EPB41L3: variants seen among roughly 807,000 people sequenced by gnomAD.
EPB41L3 encodes band 4.1-like protein 3.
Under a neutral mutation model 127.1 loss-of-function variants are expected in EPB41L3, and 57 were observed. The observed-to-expected ratio is 0.45, with a 90% CI of 0.36 to 0.56. The LOEUF is 0.56. Among genes scored for constraint, EPB41L3 ranks in the 20% least tolerant of loss-of-function variants. EPB41L3 has a pLI of 0.00. For synonymous variants in EPB41L3, 572 were observed against 549.5 expected (o/e 1.04, Z -0.57); for missense variants, 1,273 against 1,372.2 (o/e 0.93, Z 1.14).
At chr18:5,401,034 C>G (rs2143197815) in intron 16 of EPB41L3, 1 of 1,533,898 alleles carries the variant, frequency 6.5e-7, no homozygotes, top group Middle Eastern at 1.7e-4. Flanking sequence ...ATCTCTGTTT[C>G]TTCTTTGGTC....
In EPB41L3 at chr18:5,432,094, G is replaced by A. The variant is rs149475259; in HGVS notation, c.912+1375C>T. ...CTGCATGACGTGCAGAGTGATCCGC[G>A]GCAAAACCAATCAAACCTGCACAGA... On this transcript the variant is annotated intron_variant, in intron 8 of 22. Coordinates refer to ENST00000341928, the MANE Select transcript of EPB41L3 (RefSeq NM_012307.5). Among the ~76,000 whole-genome samples, 13 of 152,194 alleles carry A rather than the reference G, an allele frequency of 8.5e-5. No homozygotes were observed. In the East Asian group the frequency reaches 9.7e-4, roughly 11 times the overall value.
At chr18:5,404,075 T>C (rs2074964845) in intron 16 of EPB41L3, among the ~76,000 whole-genome samples, 1 of 152,162 alleles carries the variant, frequency 6.6e-6, no homozygotes, top group Non-Finnish European at 1.5e-5. Context: ...AGTATAAACT[T>C]GATGTCATCG....
chr18:5,421,437 C>T (rs773052299), intron 11 of EPB41L3, among the ~76,000 whole-genome samples: 1 of 152,078 alleles, frequency 6.6e-6, no homozygotes, highest in African/African-American at 2.4e-5. Flanking sequence ...ATGTTAACAT[C>T]GATATTTCAA....
At chr18:5,540,626 G>C (rs765318568) in intron 1 of EPB41L3, 2 of 840,724 alleles carry the variant, frequency 2.4e-6, no homozygotes, top group Non-Finnish European at 2.9e-6. Context: ...CCGTTTGAAA[G>C]AAATAGATGC....
chr18:5,453,047 C>T (rs1857632017), intron 3 of EPB41L3, among the ~76,000 whole-genome samples: 1 of 152,194 alleles, frequency 6.6e-6, no homozygotes, highest in Admixed American at 6.5e-5. Flanking sequence ...CCAAAATGGG[C>T]ATTGCCTCCA....
At chr18:5,630,632 G>A (rs780460876), upstream of EPB41L3, 1 of 438,154 alleles carries the variant, frequency 2.3e-6, no homozygotes. Context: ...GCACCTCCAA[G>A]TTGCCACCTG....
At chr18:5,580,486 G>A (rs1019719955) in intron 3 of EPB41L3, among the ~76,000 whole-genome samples, 3 of 151,922 alleles carry the variant, frequency 2.0e-5, no homozygotes, top group Admixed American at 2.0e-4. Flanking sequence ...AGACTCATAT[G>A]CACATATAGG....
At chr18:5,601,444 C>T (rs2094590286) in intron 3 of EPB41L3, among the ~76,000 whole-genome samples, 1 of 152,172 alleles carries the variant, frequency 6.6e-6, no homozygotes, top group Non-Finnish European at 1.5e-5. Flanking sequence ...TTGCCCCATG[C>T]TTCTGCTGAC....
chr18:5,526,498 G>A (rs1374726689), intron 1 of EPB41L3, among the ~76,000 whole-genome samples: 2 of 152,124 alleles, frequency 1.3e-5, no homozygotes, highest in African/African-American at 2.4e-5. Context: ...GACTGTAACT[G>A]AATATAAATT....
At chr18:5,430,749 G>T (rs1384231961) in intron 8 of EPB41L3, among the ~76,000 whole-genome samples, 2 of 150,444 alleles carry the variant, frequency 1.3e-5, no homozygotes, top group African/African-American at 4.9e-5. Context: ...TTTTGGTAGA[G>T]ATCGGGTTCT....
In EPB41L3 at chr18:5,397,231, T is replaced by C; in HGVS notation, c.2668A>G (p.Lys890Glu). ...AAAQPAFTGI[K>E]GKEGSALTEG... is the part of the protein sequence containing the mutation. ...GTCAAGGCAGAGCCCTCTTTCCCTT[T>C]AATGCCTGTGAATGCGGGCTGTGCT... The change falls in exon 18 of 23, where the codon AAA (lysine) becomes GAA (glutamate). Residue 890 changes from lysine to glutamate, a missense_variant. Transcript: ENST00000341928. This position sits in a 1 kb window ranked among gnomAD's most constrained non-coding sequence, Gnocchi z 4.1. 1 of 1,614,180 alleles carries C rather than the reference T, an allele frequency of 6.2e-7. No individual in the cohort carries two copies. Among genetic ancestry groups the C allele is most frequent in the Non-Finnish European group, 8.5e-7 (1 of 1,180,034 alleles).
intron 3 of EPB41L3, among the ~76,000 whole-genome samples, chr18:5,595,791 CA>C (rs2094531190): frequency 6.6e-6 from 1 of 151,968 alleles, no homozygotes; most frequent in African/African-American, 2.4e-5. Context: ...AACTGTCCAC[CA>C]AAAAATTTCT....
At chr18:5,527,450 T>C (rs1410867616) in intron 1 of EPB41L3, among the ~76,000 whole-genome samples, 1 of 152,218 alleles carries the variant, frequency 6.6e-6, no homozygotes, top group East Asian at 1.9e-4. Context: ...TTTTTCACAT[T>C]ATATTTTAAA....
At chr18:5,402,522 A>C (rs915857650) in intron 16 of EPB41L3, among the ~76,000 whole-genome samples, 20 of 152,318 alleles carry the variant, frequency 1.3e-4, no homozygotes, top group African/African-American at 4.6e-4. Context: ...CTTATAATTG[A>C]AAATATTAAC....
chr18:5,535,450 T>G (rs149525234), intron 1 of EPB41L3, among the ~76,000 whole-genome samples: 50 of 152,356 alleles, frequency 3.3e-4, no homozygotes, highest in African/African-American at 1.2e-3. Flanking sequence ...AGCATATTCC[T>G]TCTAAAGTTA....
intron 1 of EPB41L3, among the ~76,000 whole-genome samples, chr18:5,618,712 A>C (rs1465453716): frequency 6.6e-6 from 1 of 152,202 alleles, no homozygotes; most frequent in South Asian, 2.1e-4. Flanking sequence ...GTAAAAAAAA[A>C]CTACACCATA....
chr18:5,421,163 A>G (rs2077425654), intron 11 of EPB41L3, among the ~76,000 whole-genome samples: 1 of 152,222 alleles, frequency 6.6e-6, no homozygotes, highest in Admixed American at 6.5e-5. Context: ...AGAAAGAGAC[A>G]GCATGACATT....
chr18:5,464,261 A>G (rs1026820833), intron 3 of EPB41L3, among the ~76,000 whole-genome samples: 4 of 152,218 alleles, frequency 2.6e-5, no homozygotes, highest in Non-Finnish European at 5.9e-5. Context: ...ATAGTCAGCT[A>G]ACATTTTCTA....
chr18:5,500,228 C>G (rs1207761094), intron 1 of EPB41L3, among the ~76,000 whole-genome samples: 1 of 152,142 alleles, frequency 6.6e-6, no homozygotes, highest in African/African-American at 2.4e-5. Flanking sequence ...AAAAAGGTAG[C>G]ATATTTTATC....
Sources: allele counts gnomAD v4.1 joint callset (sites outside exome capture counted in the v4.1 genomes callset), GRCh38; gene constraint gnomAD v4.1.1; non-coding constraint Gnocchi (gnomAD v3.1); transcripts MANE v1.5; gene names NCBI Gene and HGNC (gene_info 2026-07-23, HGNC 2026-07-21).